The following STRA6 variants were observed in gnomAD, a reference collection of about 807,000 sequenced individuals.
STRA6 encodes receptor for retinol uptake STRA6.
A neutral mutation model predicts 83.6 loss-of-function variants in STRA6; 48 were observed. The observed-to-expected ratio is 0.57, with a 90% CI of 0.46 to 0.73. STRA6 has a LOEUF of 0.73. Ranked by LOEUF, STRA6 falls within the 30% of genes least tolerant of loss-of-function variation. The pLI is 0.00. For synonymous variants in STRA6, 353 were observed against 362.3 expected (o/e 0.97, Z 0.29); for missense variants, 760 against 838.8 (o/e 0.91, Z 1.16).
chr15:74,181,243 C>T, intron 17 of STRA6, 52 bp downstream of exon 17: 1 of 1,606,268 alleles, frequency 6.2e-7, no homozygotes. Flanking sequence ...AGATGCCTTC[C>T]TCACTGCTTG....
At chr15:74,210,956 G>A (rs187898176), upstream of STRA6, among the ~76,000 whole-genome samples, 37 of 152,324 alleles carry the variant, frequency 2.4e-4, no homozygotes, top group Admixed American at 2.4e-3. Context: ...AAGTAGAATA[G>A]AGCAGTAAGT....
rs1326400264 is a variant in STRA6 at position 74,202,517 on chromosome 15, C to T, written c.-16+196G>A. ...TCGTGTCCCCTCCTCCCTTCCCGCCCATCGCACTGGTCCTGCAGAGATAGC... is the reference window on the plus strand; with the variant it reads ...TCGTGTCCCCTCCTCCCTTCCCGCCTATCGCACTGGTCCTGCAGAGATAGC... On this transcript the variant is annotated intron_variant, in intron 1 of 18. Transcript: ENST00000395105. 2.6e-6 allele frequency: 4 copies of T among 1,525,866 alleles called. No individual in the cohort carries two copies. The East Asian group carries it at 7.3e-5, about 28-fold the overall frequency. The allele number at this position is 1,525,866 out of a possible 1,614,324, so 94.5% of individuals were successfully genotyped here. A position where few individuals can be genotyped will look rare whatever the true frequency, so the allele number is the denominator to read the frequency against.
chr15:74,208,360 C>T (rs189897281), intron 1 of STRA6, among the ~76,000 whole-genome samples: 1 of 152,274 alleles, frequency 6.6e-6, no homozygotes, highest in Admixed American at 6.5e-5. Flanking sequence ...CCACGTTCTC[C>T]GTTCCCAGCA....
rs528462121 is a variant in STRA6 at position 74,188,196 on chromosome 15, G to A, written c.1090+919C>T. Among the ~76,000 whole-genome samples the A allele has an allele frequency of 7.9e-5, 12 of 152,198 alleles. No individual in the cohort carries two copies. Among genetic ancestry groups the A allele is most frequent in the East Asian group, 1.9e-4 (1 of 5,170 alleles). The stretch of plus-strand genomic sequence containing the variant: ...CTGCCCACCCCCCACTCCCTGCCCC[G>A]CCATGACCAGCATGCCCAGGTCTGT... On this transcript the variant is annotated intron_variant, in intron 12 of 18. Coordinates refer to ENST00000395105, the MANE Select transcript of STRA6 (RefSeq NM_022369.4). The surrounding 1 kb of genome is among the most constrained non-coding windows in gnomAD (Gnocchi z 4.5).
chr15:74,207,570 C>CT (rs1442724047), upstream of STRA6: 3 of 912,450 alleles, frequency 3.3e-6, no homozygotes, highest in Admixed American at 2.2e-5. Flanking sequence ...GCCCTTGACT[C>CT]TGAGTCCAGC....
intron 8 of STRA6, among the ~76,000 whole-genome samples, chr15:74,192,387 G>A (rs1049324824): frequency 4.6e-5 from 7 of 152,098 alleles, no homozygotes; most frequent in Admixed American, 6.5e-5. Context: ...AGCTACAAGC[G>A]CTCAGAACTC....
chr15:74,199,220 C>T (rs2142069317), intron 2 of STRA6, among the ~76,000 whole-genome samples: 1 of 152,328 alleles, frequency 6.6e-6, no homozygotes, highest in Non-Finnish European at 1.5e-5. Context: ...GAGTGCAGAG[C>T]CCTGGGATGC....
chr15:74,181,576 C>A (rs1016665669), intron 16 of STRA6, 118 bp from the exon 17 acceptor site: 4 of 1,377,612 alleles, frequency 2.9e-6, no homozygotes, highest in African/African-American at 2.9e-5. Flanking sequence ...CCATTTATTG[C>A]TATGTCTTCT....
At position 74,197,769 on chromosome 15, in the gene STRA6, AGGCGTGGTACAGGCC is replaced by A. The variant is rs2073888069; in HGVS notation, c.148_162del (p.Gly50_Ala54del). 6.2e-7 allele frequency: 1 copy of A among 1,613,538 alleles called. No individual in the cohort carries two copies. The highest frequency in any genetic ancestry group is 1.3e-5 in the African/African-American group (1 of 74,936). The stretch of plus-strand genomic sequence containing the variant: ...GGACTCACTGACAGCGAGGCCAGGC[AGGCGTGGTACAGGCC>A]GGGTGGTATGCTGGTGTGGCAGGAG... On this transcript the variant is annotated inframe_deletion, in exon 3 of 19. Transcript: ENST00000395105.
intron 12 of STRA6, among the ~76,000 whole-genome samples, chr15:74,187,158 A>G (rs2073294836): frequency 6.6e-6 from 1 of 152,216 alleles, no homozygotes; most frequent in Non-Finnish European, 1.5e-5. Flanking sequence ...TGTACAGGCT[A>G]ACACAGGGTT....
chr15:74,182,712 G>A, intron 14 of STRA6: 1 of 513,150 alleles, frequency 1.9e-6, no homozygotes, highest in Non-Finnish European at 3.5e-6. Flanking sequence ...TAATGTCTGT[G>A]GAAACTCTTA....
chr15:74,200,062 C>CAA (rs200653439), intron 2 of STRA6, among the ~76,000 whole-genome samples: 4 of 151,724 alleles, frequency 2.6e-5, no homozygotes, highest in African/African-American at 9.7e-5. Context: ...ACTAAAAATA[C>CAA]AAAAAAAATT....
At chr15:74,195,581 C>T in intron 6 of STRA6, 71 bp downstream of exon 6, 1 of 1,561,666 alleles carries the variant, frequency 6.4e-7, no homozygotes, top group Non-Finnish European at 8.7e-7. Flanking sequence ...TCAGCACGTT[C>T]AGTGGGCAAG....
At chr15:74,182,066 G>A (rs1462195355) in intron 16 of STRA6, 95 bp downstream of exon 16, 2 of 1,083,614 alleles carry the variant, frequency 1.8e-6, no homozygotes, top group East Asian at 4.8e-5. Context: ...ATAGAGAGAA[G>A]GGATAGATGG....
chr15:74,186,642 G>C (rs1049887510), intron 12 of STRA6, among the ~76,000 whole-genome samples: 1 of 152,110 alleles, frequency 6.6e-6, no homozygotes, highest in Admixed American at 6.5e-5. Context: ...CTGGTGGTAT[G>C]TGCCTGTAAT....
chr15:74,183,295 G>A (rs1283523060), intron 14 of STRA6: 2 of 187,910 alleles, frequency 1.1e-5, no homozygotes, highest in Admixed American at 5.3e-5. Context: ...TCTTAAGCTG[G>A]AGCGCAGTGG....
At chr15:74,194,567 TC>T in intron 7 of STRA6, 1 of 454,844 alleles carries the variant, frequency 2.2e-6, no homozygotes, top group Non-Finnish European at 3.4e-6. Flanking sequence ...TGGCACTGTT[TC>T]CCCAAGGCAC....
At position 74,179,860 on chromosome 15, in the gene STRA6, T is replaced by C; in HGVS notation, c.*220A>G. 1.7e-6 allele frequency: 1 copy of C among 602,214 alleles called. No homozygotes were observed. Among genetic ancestry groups the C allele is most frequent in the Non-Finnish European group, 2.8e-6 (1 of 353,316 alleles). 37.3% of individuals were successfully genotyped at this position (602,214 alleles called of 1,614,324 possible). ...CCAAGGCCCTAACCCACCAGTTTCT[T>C]TCTCCAGAACCCCTGCTGGCTCTCC... On this transcript the variant is annotated 3_prime_UTR_variant, in exon 19 of 19. Transcript: ENST00000395105.
rs2072914118 is a variant in STRA6 at position 74,180,326 on chromosome 15, G to GA, written c.1841-84dup. On this transcript the variant is annotated intron_variant, in intron 18 of 18. Coordinates refer to ENST00000395105, the MANE Select transcript of STRA6 (RefSeq NM_022369.4). ...GCCCTCAGACCTGATCAGAGAGCCT[G>GA]AAAATCCCAGGCGTGTGCAGGTCGT... 5 of 1,563,026 alleles carry GA rather than the reference G, an allele frequency of 3.2e-6. No homozygotes were observed. The African/African-American group carries it at 5.4e-5, about 17-fold the overall frequency.
Sources: gnomAD v4.1 joint callset for allele counts (sites outside exome capture counted in the v4.1 genomes callset) on GRCh38, gnomAD v4.1.1 for gene constraint, Gnocchi (gnomAD v3.1) non-coding constraint, MANE v1.5 for transcripts, NCBI Gene and HGNC (gene_info 2026-07-23, HGNC 2026-07-21) for gene names.